CDKAL1: variants seen among roughly 807,000 people sequenced by gnomAD.
CDKAL1 encodes the protein threonylcarbamoyladenosine tRNA methylthiotransferase.
CDKAL1 carries 32 observed loss-of-function variants against 68.2 expected under a neutral mutation model. That is an observed-to-expected ratio of 0.47 (90% CI 0.35 to 0.63). The LOEUF is 0.63. Among genes scored for constraint, CDKAL1 ranks in the 30% least tolerant of loss-of-function variants. The pLI is 0.00. For missense variants in CDKAL1, 606 were observed against 696.7 expected (o/e 0.87, Z 1.47); for synonymous variants, 234 against 244.3 (o/e 0.96, Z 0.39).
chr6:20,696,448 A>AT (rs1487207980), intron 5 of CDKAL1, among the ~76,000 whole-genome samples: 4 of 152,220 alleles, frequency 2.6e-5, no homozygotes, highest in Non-Finnish European at 5.9e-5. Flanking sequence ...TTAGAAAAAA[A>AT]TTAGAAGTTA....
intron 11 of CDKAL1, among the ~76,000 whole-genome samples, chr6:21,053,825 T>TA (rs1485651451): frequency 6.6e-6 from 1 of 152,204 alleles, no homozygotes; most frequent in Non-Finnish European, 1.5e-5. Context: ...GTCTTCCTGT[T>TA]AGTGAGTCAT....
At chr6:21,208,919 T>C (rs1779042436) in intron 15 of CDKAL1, among the ~76,000 whole-genome samples, 1 of 152,230 alleles carries the variant, frequency 6.6e-6, no homozygotes, top group African/African-American at 2.4e-5. Context: ...CCATCCAAAG[T>C]ATCATCAGAG....
chr6:20,742,839 A>AT (rs1331939942), intron 6 of CDKAL1, among the ~76,000 whole-genome samples: 3 of 151,924 alleles, frequency 2.0e-5, no homozygotes, highest in South Asian at 4.2e-4. Context: ...TTTGTAGAGC[A>AT]TTTTTTTCTG....
At chr6:21,069,654 A>T (rs914218051) in intron 12 of CDKAL1, among the ~76,000 whole-genome samples, 1 of 151,938 alleles carries the variant, frequency 6.6e-6, no homozygotes, top group Non-Finnish European at 1.5e-5. Context: ...TTGGCCTCAT[A>T]GAATTAGTTG....
chr6:20,590,532 G>A lies in CDKAL1; in HGVS notation c.286+41827G>A, dbSNP rs773272121. ...AGCCCCCCACTCCCCAACAGCCCCC[G>A]GTGTGTGATGTTCCCCTCCCTGTGT... On this transcript the variant is annotated intron_variant, in intron 4 of 15. Transcript: ENST00000274695. 1.1e-4 allele frequency among the ~76,000 whole-genome samples: 16 copies of A among 151,266 alleles called. No individual in the cohort carries two copies. In the East Asian group the frequency reaches 1.9e-3, roughly 18 times the overall value.
At chr6:20,832,937 G>A (rs1777777766) in intron 8 of CDKAL1, among the ~76,000 whole-genome samples, 1 of 152,100 alleles carries the variant, frequency 6.6e-6, no homozygotes, top group South Asian at 2.1e-4. Context: ...GGTCCTGAGT[G>A]CAATTTTGTC....
intron 4 of CDKAL1, among the ~76,000 whole-genome samples, chr6:20,557,062 T>TAAATAAATAAATGAAAA (rs1764082783): frequency 7.4e-6 from 1 of 134,736 alleles, no homozygotes; most frequent in East Asian, 2.2e-4. Context: ...AATAAATAAA[T>TAAATAAATAAATGAAAA]AAATAAATAA....
intron 8 of CDKAL1, among the ~76,000 whole-genome samples, chr6:20,825,492 T>C (rs1777466225): frequency 6.6e-6 from 1 of 152,118 alleles, no homozygotes; most frequent in Admixed American, 6.6e-5. Context: ...AGATAAGATA[T>C]AGACAGAAAT....
rs9348433 is a variant in CDKAL1 at position 20,549,570 on chromosome 6, C to A, written c.286+865C>A. On this transcript the variant is annotated intron_variant, in intron 4 of 15. Transcript: ENST00000274695. ...TGGTGATTTTCTGCTATCTTGTTTT[C>A]TTTACATTTATATTTATTTATTTAT... Among the ~76,000 whole-genome samples, 457 of 149,820 alleles carry A rather than the reference C, an allele frequency of 3.1e-3. 3 individuals are homozygous for A. Among genetic ancestry groups the A allele is most frequent in the African/African-American group, 0.011 (434 of 40,830 alleles).
chr6:20,953,687 C>T (rs1394620824), intron 9 of CDKAL1, among the ~76,000 whole-genome samples: 1 of 152,056 alleles, frequency 6.6e-6, no homozygotes, highest in Non-Finnish European at 1.5e-5. Flanking sequence ...AGATTTATTC[C>T]GTGTACAGAG....
At chr6:20,990,150 G>A (rs1411465087) in intron 10 of CDKAL1, among the ~76,000 whole-genome samples, 1 of 152,150 alleles carries the variant, frequency 6.6e-6, no homozygotes, top group Non-Finnish European at 1.5e-5. Context: ...GGCTGAGGCA[G>A]GAGAATCTCT....
intron 4 of CDKAL1, among the ~76,000 whole-genome samples, chr6:20,592,753 C>T (rs62400067): frequency 0.064 from 9,788 of 152,118 alleles, 334 homozygotes; most frequent in Middle Eastern, 0.1. Flanking sequence ...AGGTGTGAGC[C>T]GCTGTGTTTG....
chr6:21,075,289 T>C (rs192313439), intron 12 of CDKAL1, among the ~76,000 whole-genome samples: 2 of 152,300 alleles, frequency 1.3e-5, no homozygotes, highest in Non-Finnish European at 2.9e-5. Context: ...CCCCGTCATA[T>C]TTACTTTTAC....
At chr6:20,628,166 T>A (rs1383036905) in intron 4 of CDKAL1, among the ~76,000 whole-genome samples, 1 of 152,162 alleles carries the variant, frequency 6.6e-6, no homozygotes, top group Non-Finnish European at 1.5e-5. Flanking sequence ...ATCCCTACCT[T>A]GTTCCTAATC....
At chr6:20,730,351 G>T (rs1030114908) in intron 5 of CDKAL1, among the ~76,000 whole-genome samples, 3 of 144,250 alleles carry the variant, frequency 2.1e-5, no homozygotes, top group African/African-American at 7.7e-5. Flanking sequence ...GACCCGAAAA[G>T]AAAGAAAGAT....
At chr6:20,844,821 C>T (rs2150492071) in intron 8 of CDKAL1, among the ~76,000 whole-genome samples, 1 of 152,206 alleles carries the variant, frequency 6.6e-6, no homozygotes, top group African/African-American at 2.4e-5. Flanking sequence ...TTCCCTTTCC[C>T]CTTGTTATAG....
chr6:20,667,594 C>G (rs1364739510), intron 5 of CDKAL1, among the ~76,000 whole-genome samples: 2 of 152,112 alleles, frequency 1.3e-5, no homozygotes, highest in Non-Finnish European at 2.9e-5. Flanking sequence ...TATCAAAGAC[C>G]CTAGGCACTA....
chr6:20,764,284 C>G (rs938404367), intron 7 of CDKAL1, among the ~76,000 whole-genome samples: 2 of 152,130 alleles, frequency 1.3e-5, no homozygotes, highest in African/African-American at 4.8e-5. Context: ...TGTTTCTTTA[C>G]CAATCAACCT....
intron 4 of CDKAL1, among the ~76,000 whole-genome samples, chr6:20,625,258 A>G (rs1209961073): frequency 6.6e-6 from 1 of 152,124 alleles, no homozygotes; most frequent in African/African-American, 2.4e-5. Context: ...TTTTGAGTAG[A>G]TGATAAAACT....
Sources: gnomAD v4.1 joint callset for allele counts (sites outside exome capture counted in the v4.1 genomes callset) on GRCh38, gnomAD v4.1.1 for gene constraint, MANE v1.5 for transcripts, NCBI Gene and HGNC (gene_info 2026-07-23, HGNC 2026-07-21) for gene names.